The following FGFR3 variants were observed in gnomAD, a reference collection of about 807,000 sequenced individuals.
The protein encoded by FGFR3 is fibroblast growth factor receptor 3.
Under a neutral mutation model 82.9 loss-of-function variants are expected in FGFR3, and 25 were observed. The ratio of observed to expected loss-of-function variants is 0.30; its 90% CI spans 0.22 to 0.42. The LOEUF (loss-of-function observed/expected upper bound fraction) is 0.42. FGFR3 is among the 10% of genes least tolerant of loss of function. The pLI, the probability that FGFR3 is intolerant of heterozygous loss-of-function variation, is 1.00. For missense variants in FGFR3, 1,026 were observed against 1,161.0 expected (o/e 0.88, Z 1.69); for synonymous variants, 620 against 516.0 (o/e 1.20, Z -2.73).
intron 2 of FGFR3, among the ~76,000 whole-genome samples, chr4:1,796,404 CCT>C (rs1720517154): frequency 6.6e-6 from 1 of 152,134 alleles, no homozygotes; most frequent in African/African-American, 2.4e-5. Context: ...GGGGCCCCCT[CCT>C]CTTAGGCTAT....
rs562415362 is a variant in FGFR3 at position 1,798,805 on chromosome 4, G to A, written c.110-449G>A. Among the ~76,000 whole-genome samples the A allele has an allele frequency of 2.7e-3, 411 of 152,316 alleles. 1 individual carries two copies. The highest frequency in any genetic ancestry group is 3.7e-3 in the Non-Finnish European group (251 of 68,018). Reference sequence around the variant, plus strand: ...CCCTCTGAGCTCCATTTCAGTCAGAGGCCAGCAAAGGGCAGCCTGTCCCCT... The same window carrying A: ...CCCTCTGAGCTCCATTTCAGTCAGAAGCCAGCAAAGGGCAGCCTGTCCCCT... On this transcript the variant is annotated intron_variant, in intron 2 of 17. Transcript: ENST00000440486.
At chr4:1,806,766 T>G in intron 16 of FGFR3, 63 bp from the exon 17 acceptor site, 2 of 1,593,182 alleles carry the variant, frequency 1.3e-6, no homozygotes, top group Non-Finnish European at 1.7e-6. Context: ...CTGGCAGCCC[T>G]TCAGGCTGTT....
intron 4 of FGFR3, among the ~76,000 whole-genome samples, chr4:1,800,854 G>A (rs998754170): frequency 3.3e-5 from 5 of 152,234 alleles, no homozygotes; most frequent in African/African-American, 1.2e-4. Flanking sequence ...GGCCTCCAGG[G>A]TGCCACCGTC....
In FGFR3 at chr4:1,800,573, C is replaced by G. The variant is rs1378932571; in HGVS notation, c.445+761C>G. Among the ~76,000 whole-genome samples the G allele has an allele frequency of 3.9e-5, 6 of 151,980 alleles. No individual in the cohort carries two copies. In the East Asian group the frequency reaches 1.2e-3, roughly 29 times the overall value. On this transcript the variant is annotated intron_variant, in intron 4 of 17. Coordinates refer to ENST00000440486, the MANE Select transcript of FGFR3 (RefSeq NM_000142.5). Reference sequence around the variant, plus strand: ...CTCACCCTGGGGGTCTCCAGGAGGCCTGGGAGGGAGCTCAGCACCGTGGGG... The same window carrying G: ...CTCACCCTGGGGGTCTCCAGGAGGCGTGGGAGGGAGCTCAGCACCGTGGGG...
At position 1,808,183 on chromosome 4, in the gene FGFR3, A is replaced by G; in HGVS notation, c.*921A>G. ...CAGCATTTAGCTGGCCACATGGCGG[A>G]GAGTTTTAATTTTTAACTTATTGAC... is the stretch of plus-strand genomic sequence containing the variant. On this transcript the variant is annotated 3_prime_UTR_variant, in exon 18 of 18. Transcript: ENST00000440486. The G allele has an allele frequency of 4.3e-6, 1 of 232,836 alleles. No individual in the cohort carries two copies. Among genetic ancestry groups the G allele is most frequent in the Non-Finnish European group, 8.5e-6 (1 of 117,820 alleles). 14.4% of individuals were successfully genotyped at this position (232,836 alleles called of 1,614,324 possible).
intron 9 of FGFR3, 133 bp downstream of exon 9, chr4:1,804,653 G>A: frequency 1.4e-6 from 2 of 1,433,368 alleles, no homozygotes; most frequent in South Asian, 1.1e-5. Flanking sequence ...CCTCGTCTCT[G>A]CTCACCATGT....
At chr4:1,807,028 G>A (rs554872413) in intron 17 of FGFR3, 88 bp from the exon 18 acceptor site, 95 of 1,549,664 alleles carry the variant, frequency 6.1e-5, no homozygotes, top group Non-Finnish European at 7.8e-5. Flanking sequence ...GGTGTGGGGC[G>A]GGCCTTCTGG....
rs1721855522 is a variant in FGFR3, at chr4:1,805,944, G to A, written c.1836+4G>A. The A allele has an allele frequency of 1.9e-6, 3 of 1,607,310 alleles. No individual in the cohort carries two copies. Among genetic ancestry groups the A allele is most frequent in the African/African-American group, 1.3e-5 (1 of 74,936 alleles). ...GGAGTACTTGGCCTCCCAGAAGGTG[G>A]GCAGGGCGGCAGGTGTGGGTGGAGT... On this transcript the variant is annotated splice_donor_region_variant and intron_variant, in intron 13 of 17. Transcript: ENST00000440486.
At chr4:1,802,911 C>A (rs775955148) in intron 7 of FGFR3, 2 of 1,589,104 alleles carry the variant, frequency 1.3e-6, no homozygotes, top group Admixed American at 1.8e-5. Flanking sequence ...CTTGTCCCCG[C>A]AGTCCTGGAT....
chr4:1,803,158 G>A (rs1373161511), intron 7 of FGFR3: 23 of 1,343,768 alleles, frequency 1.7e-5, no homozygotes, highest in Admixed American at 1.6e-4. Flanking sequence ...AGCCCTGCTC[G>A]CTCCCGCCCC....
rs747890000 is a variant in FGFR3, at chr4:1,799,255, A to C, written c.111A>C (p.Glu37Asp). 6.2e-7 allele frequency: 1 copy of C among 1,612,426 alleles called. No homozygotes were observed. The highest frequency in any genetic ancestry group is 1.1e-5 in the South Asian group (1 of 91,072). Reference sequence around the variant, plus strand: ...CATGGTTGCCCATCTTCCCCACAGAAGTCCCGGGCCCAGAGCCCGGCCAGC... The same window carrying C: ...CATGGTTGCCCATCTTCCCCACAGACGTCCCGGGCCCAGAGCCCGGCCAGC... ...TEQRVVGRAA[E>D]VPGPEPGQQE... Residue 37 changes from glutamate (E) to aspartate (D), a missense_variant and splice_region_variant, in exon 3 of 18, where the codon GAA (glutamate) becomes GAC (aspartate). Glu to Asp is a conservative substitution (Grantham distance 45). This residue lies in a region of FGFR3 where 226 missense variants were observed against 222.0 expected (regional missense o/e 1.02). Transcript: ENST00000440486.
intron 2 of FGFR3, among the ~76,000 whole-genome samples, chr4:1,794,433 C>G (rs1431625383): frequency 6.6e-6 from 1 of 152,208 alleles, no homozygotes; most frequent in East Asian, 1.9e-4. Context: ...TCCCCCGGGC[C>G]CCAGTTTGTG....
Position 1,798,780 on chromosome 4 carries a change from C to T in FGFR3, c.110-474C>T, listed in dbSNP as rs565425636. ...GGGCTGGCTGGCCAACCCTGGCACCCCCTCTGAGCTCCATTTCAGTCAGAG... is the reference window on the plus strand; with the variant it reads ...GGGCTGGCTGGCCAACCCTGGCACCTCCTCTGAGCTCCATTTCAGTCAGAG... On this transcript the variant is annotated intron_variant, in intron 2 of 17. Coordinates refer to ENST00000440486, the MANE Select transcript of FGFR3 (RefSeq NM_000142.5). Among the ~76,000 whole-genome samples, 16 of 152,300 alleles carry T rather than the reference C, an allele frequency of 1.1e-4. No individual in the cohort carries two copies. The East Asian group carries it at 3.1e-3, about 29-fold the overall frequency.
At position 1,799,534 on chromosome 4, in the gene FGFR3, G is replaced by T; in HGVS notation, c.379+11G>T. On this transcript the variant is annotated intron_variant, in intron 3 of 17. Transcript: ENST00000440486. Reference sequence around the variant, plus strand: ...GTGTGCGGGTGACAGGTGAGCTCTGGGGCCACGCCAGCTACAGAAAGGAGC... The same window carrying T: ...GTGTGCGGGTGACAGGTGAGCTCTGTGGCCACGCCAGCTACAGAAAGGAGC... 6.4e-7 allele frequency: 1 copy of T among 1,551,680 alleles called. No homozygotes were observed. Among genetic ancestry groups the T allele is most frequent in the African/African-American group, 1.4e-5 (1 of 73,286 alleles).
intron 4 of FGFR3, among the ~76,000 whole-genome samples, chr4:1,800,278 C>T (rs1053702374): frequency 9.2e-5 from 14 of 151,676 alleles, no homozygotes; most frequent in African/African-American, 3.2e-4. Context: ...GGGTGGGCTG[C>T]GGCTGTGAGA....
At position 1,804,856 on chromosome 4, in the gene FGFR3, C is replaced by T. The variant is rs1029323526; in HGVS notation, c.1299C>T (p.Ser433=). 13 of 1,549,994 alleles carry T rather than the reference C, an allele frequency of 8.4e-6. No homozygotes were observed. In the African/African-American group the frequency reaches 1.2e-4, roughly 15 times the overall value. The part of the protein sequence containing the change: ...VSLESNASMS[S]NTPLVRIARL... Reference sequence around the variant, plus strand: ...TGGAGTCCAACGCGTCCATGAGCTCCAACACACCACTGGTGCGCATCGCAA... The same window carrying T: ...TGGAGTCCAACGCGTCCATGAGCTCTAACACACCACTGGTGCGCATCGCAA... The change falls in exon 10 of 18, where the codon TCC becomes TCT. Residue 433 remains serine (S), a synonymous_variant. Coordinates refer to ENST00000440486, the MANE Select transcript of FGFR3 (RefSeq NM_000142.5).
At chr4:1,794,804 A>G (rs1396032120) in intron 2 of FGFR3, among the ~76,000 whole-genome samples, 1 of 151,458 alleles carries the variant, frequency 6.6e-6, no homozygotes, top group Admixed American at 6.6e-5. Context: ...GCCGCCGCGT[A>G]CACCCGCAGC....
At position 1,807,108 on chromosome 4, in the gene FGFR3, G is replaced by A. The variant is rs749365147; in HGVS notation, c.2275-8G>A. The stretch of plus-strand genomic sequence containing the variant: ...TGGCACAGCGCTCACCCCGCCTCCC[G>A]CCAGCAGGAGTACCTGGACCTGTCG... On this transcript the variant is annotated splice_polypyrimidine_tract_variant and splice_region_variant and intron_variant, in intron 17 of 17. Transcript: ENST00000440486. The A allele has an allele frequency of 4.9e-5, 77 of 1,573,546 alleles. No individual in the cohort carries two copies. Among genetic ancestry groups the A allele is most frequent in the Admixed American group, 3.6e-5 (2 of 54,832 alleles).
chr4:1,807,400 CGTGTGTGTGTGTGTGTGT>C lies in FGFR3; in HGVS notation c.*140_*157del, dbSNP rs34562534. 3.3e-6 allele frequency: 2 copies of C among 607,780 alleles called. No homozygotes were observed. The highest frequency in any genetic ancestry group is 5.0e-6 in the Non-Finnish European group (2 of 402,616). The allele number at this position is 607,780 out of a possible 1,614,324, so 37.6% of individuals were successfully genotyped here. A position where few individuals can be genotyped will look rare whatever the true frequency, so the allele number is the denominator to read the frequency against. ...GCTTTGGTCTGTGTGTGTGTGTGTG[CGTGTGTGTGTGTGTGTGT>C]GCACATCCGCGTGTGCCTGTGTGCG... On this transcript the variant is annotated 3_prime_UTR_variant, in exon 18 of 18. Transcript: ENST00000440486.
Sources: gnomAD v4.1 joint callset for allele counts (sites outside exome capture counted in the v4.1 genomes callset) on GRCh38, gnomAD v4.1.1 for gene constraint, gnomAD v4.1.1 regional missense constraint, MANE v1.5 for transcripts, NCBI Gene and HGNC (gene_info 2026-07-23, HGNC 2026-07-21) for gene names.